Variants in SOAT1 observed in about 807,000 individuals in gnomAD.
SOAT1 encodes acyl-coenzyme A:cholesterol acyltransferase 1.
Under a neutral mutation model 69.5 loss-of-function variants are expected in SOAT1, and 55 were observed. The observed-to-expected ratio is 0.79, with a 90% confidence interval of 0.64 to 0.99. The LOEUF is 0.99. SOAT1 is among the 50% of genes least tolerant of loss of function. SOAT1 has a pLI of 0.00. For synonymous variants in SOAT1, 231 were observed against 224.7 expected (o/e 1.03, Z -0.25); for missense variants, 580 against 669.3 (o/e 0.87, Z 1.47).
chr1:179,344,467 T>C (rs1666457174), intron 10 of SOAT1, among the ~76,000 whole-genome samples: 1 of 145,574 alleles, frequency 6.9e-6, no homozygotes, highest in Non-Finnish European at 1.5e-5. Flanking sequence ...CTCTACCTCC[T>C]GTGTTCAAAC....
chr1:179,341,432 C>G, intron 7 of SOAT1, 122 bp downstream of exon 7: 1 of 1,004,632 alleles, frequency 1.0e-6, no homozygotes, highest in Non-Finnish European at 1.5e-6. Context: ...ATATATTGTT[C>G]TTTTGCCATT....
intron 2 of SOAT1, among the ~76,000 whole-genome samples, chr1:179,308,399 C>T (rs1057071035): frequency 2.0e-5 from 3 of 152,002 alleles, no homozygotes; most frequent in African/African-American, 4.8e-5. Context: ...TGGCCGGGCA[C>T]GGTGGCTCAC....
rs189346840 is a variant in SOAT1, at chr1:179,354,075, G to A, written c.*434G>A. On this transcript the variant is annotated 3_prime_UTR_variant, in exon 16 of 16. Coordinates refer to ENST00000367619, the MANE Select transcript of SOAT1 (RefSeq NM_003101.6). ...TAGAAATTTTTTCATGCACACTGTTGGAATGTATGCTAATTGAACATGCAA... is the reference window on the plus strand; with the variant it reads ...TAGAAATTTTTTCATGCACACTGTTAGAATGTATGCTAATTGAACATGCAA... 36 of 157,222 alleles carry A rather than the reference G, an allele frequency of 2.3e-4. No individual in the cohort carries two copies. Among genetic ancestry groups the A allele is most frequent in the Middle Eastern group, 3.1e-3 (1 of 322 alleles). The allele number at this position is 157,222 out of a possible 1,614,324, so 9.7% of individuals were successfully genotyped here.
intron 3 of SOAT1, among the ~76,000 whole-genome samples, chr1:179,334,061 A>G (rs1666065318): frequency 6.6e-6 from 1 of 152,236 alleles, no homozygotes; most frequent in Non-Finnish European, 1.5e-5. Flanking sequence ...GAGCCCCTTC[A>G]TAGTCGCTGT....
chr1:179,343,727 G>A, intron 10 of SOAT1, 92 bp downstream of exon 10: 1 of 884,228 alleles, frequency 1.1e-6, no homozygotes, highest in Non-Finnish European at 1.8e-6. Flanking sequence ...CTAATTGGGA[G>A]CTAAGAATGC....
intron 3 of SOAT1, among the ~76,000 whole-genome samples, chr1:179,333,331 T>C (rs1341724057): frequency 6.6e-6 from 1 of 151,804 alleles, no homozygotes; most frequent in Non-Finnish European, 1.5e-5. Context: ...CTGTACAACC[T>C]GGCCAATCAG....
At chr1:179,312,285 C>G (rs1354100180) in intron 2 of SOAT1, among the ~76,000 whole-genome samples, 1 of 152,132 alleles carries the variant, frequency 6.6e-6, no homozygotes. Context: ...CGGGTAATTT[C>G]TGGAGTCGGC....
chr1:179,309,978 C>T (rs1471865793), intron 2 of SOAT1, among the ~76,000 whole-genome samples: 1 of 152,054 alleles, frequency 6.6e-6, no homozygotes, highest in African/African-American at 2.4e-5. Flanking sequence ...TGGCTCACTG[C>T]AGCCTCTGCC....
intron 2 of SOAT1, among the ~76,000 whole-genome samples, chr1:179,309,015 T>C (rs1048484320): frequency 1.3e-5 from 2 of 152,222 alleles, no homozygotes; most frequent in African/African-American, 4.8e-5. Context: ...AAAGTTGCAG[T>C]ATTACAAGCA....
chr1:179,337,693 C>T (rs997638209), intron 4 of SOAT1, 144 bp from the exon 5 acceptor site: 21 of 528,146 alleles, frequency 4.0e-5, no homozygotes, highest in African/African-American at 2.7e-4. Flanking sequence ...GGCATGGTGG[C>T]GGGCATCTGT....
intron 2 of SOAT1, among the ~76,000 whole-genome samples, chr1:179,322,193 T>A (rs1009490058): frequency 2.0e-4 from 31 of 152,172 alleles, no homozygotes; most frequent in African/African-American, 7.5e-4. Context: ...CTTCCTTTTC[T>A]ATGTTTTCAA....
intron 15 of SOAT1, among the ~76,000 whole-genome samples, chr1:179,353,137 TTTATATA>T (rs1185200343): frequency 8.7e-6 from 1 of 114,754 alleles, no homozygotes; most frequent in South Asian, 2.9e-4. Context: ...TATATATTTA[TTTATATA>T]TTATATATTA....
chr1:179,347,116 C>G (rs937539230), intron 11 of SOAT1, among the ~76,000 whole-genome samples: 2 of 151,908 alleles, frequency 1.3e-5, no homozygotes, highest in African/African-American at 2.4e-5. Context: ...CCTAGCACTT[C>G]GGGAGGCTGA....
intron 2 of SOAT1, among the ~76,000 whole-genome samples, chr1:179,319,267 CTTTTTT>C (rs542647494): frequency 8.0e-6 from 1 of 125,198 alleles, no homozygotes; most frequent in Non-Finnish European, 1.6e-5. Context: ...GTTACTTTGC[CTTTTTT>C]TTTTTTTTTT....
At chr1:179,298,490 A>G in intron 1 of SOAT1, among the ~76,000 whole-genome samples, 1 of 151,902 alleles carries the variant, frequency 6.6e-6, no homozygotes, top group East Asian at 1.9e-4. Context: ...TTTTGGAGAC[A>G]GGGTTTCACT....
rs192208569 is a variant in SOAT1, at chr1:179,337,956, T to A, written c.389+60T>A. On this transcript the variant is annotated intron_variant, in intron 5 of 15. Transcript: ENST00000367619. Reference sequence around the variant, plus strand: ...TTTTTAAAAAACTATTCTGATAGAATCATTGCTTAGTATATGGACATGTAA... The same window carrying A: ...TTTTTAAAAAACTATTCTGATAGAAACATTGCTTAGTATATGGACATGTAA... The A allele has an allele frequency of 2.4e-6, 3 of 1,243,220 alleles. No individual in the cohort carries two copies. In the Admixed American group the frequency reaches 6.8e-5, roughly 28 times the overall value. 77.0% of individuals were successfully genotyped at this position (1,243,220 alleles called of 1,614,324 possible). A position where few individuals can be genotyped will look rare whatever the true frequency, so the allele number is the denominator to read the frequency against.
At chr1:179,349,046 A>G in intron 13 of SOAT1, 104 bp downstream of exon 13, 1 of 694,582 alleles carries the variant, frequency 1.4e-6, no homozygotes, top group Non-Finnish European at 2.5e-6. Flanking sequence ...ATTGCTCATG[A>G]GGAAAGGGTG....
intron 1 of SOAT1, among the ~76,000 whole-genome samples, chr1:179,296,815 C>T (rs866562594): frequency 1.6e-4 from 24 of 152,288 alleles, no homozygotes; most frequent in South Asian, 2.1e-4. Flanking sequence ...AATGGGAACA[C>T]GGAGGCAGGC....
At chr1:179,309,247 C>A (rs1665136120) in intron 2 of SOAT1, among the ~76,000 whole-genome samples, 1 of 152,076 alleles carries the variant, frequency 6.6e-6, no homozygotes, top group South Asian at 2.1e-4. Flanking sequence ...CCATGCCTTG[C>A]TAATTTTTGT....
Sources: gnomAD v4.1 joint callset for allele counts (sites outside exome capture counted in the v4.1 genomes callset) on GRCh38, gnomAD v4.1.1 for gene constraint, MANE v1.5 for transcripts, NCBI Gene and HGNC (gene_info 2026-07-23, HGNC 2026-07-21) for gene names.